The following GTF2H5 variants were observed in gnomAD, a reference collection of about 807,000 sequenced individuals.
The protein encoded by GTF2H5 is general transcription factor IIH subunit 5, also known as TFB5 ortholog.
A neutral mutation model predicts 7.1 loss-of-function variants in GTF2H5; 5 were observed. The observed-to-expected ratio is 0.71, with a 90% CI of 0.37 to 1.49. GTF2H5 has a LOEUF of 1.49. Among genes scored for constraint, GTF2H5 ranks in the 40% most tolerant of loss-of-function variants. The pLI, the probability that GTF2H5 is intolerant of heterozygous loss-of-function variation, is 0.03. For missense variants in GTF2H5, 80 were observed against 83.0 expected, an observed-to-expected ratio of 0.96 and a Z score of 0.14; for synonymous variants, 30 against 31.7, an observed-to-expected ratio of 0.95 and a Z score of 0.18.
chr6:158,170,484 T>C lies in GTF2H5; in HGVS notation c.-20T>C, dbSNP rs774900438. 3 of 1,600,324 alleles carry C rather than the reference T, an allele frequency of 1.9e-6. No individual in the cohort carries two copies. The highest frequency in any genetic ancestry group is 1.7e-6 in the Non-Finnish European group (2 of 1,167,414). On this transcript the variant is annotated 5_prime_UTR_variant, in exon 2 of 3. Transcript: ENST00000607778. ...CTTTTTATTAGCATTCTTCAGGTCA[T>C]CTGAACCTTCTGAGAAAACATGGTC...
At chr6:158,176,143 A>G (rs1044508630) in intron 2 of GTF2H5, among the ~76,000 whole-genome samples, 6 of 152,220 alleles carry the variant, frequency 3.9e-5, no homozygotes, top group African/African-American at 1.4e-4. Context: ...GGGATTTTAA[A>G]TCCCGGTATT....
At chr6:158,189,280 C>G (rs1242205964) in intron 2 of GTF2H5, among the ~76,000 whole-genome samples, 1 of 152,040 alleles carries the variant, frequency 6.6e-6, no homozygotes, top group African/African-American at 2.4e-5. Context: ...AATCCCAGAT[C>G]ATCAGAGTGG....
chr6:158,170,339 TTAAC>T (rs1449701703), intron 1 of GTF2H5, 127 bp from the exon 2 acceptor site: 1 of 627,076 alleles, frequency 1.6e-6, no homozygotes, highest in Non-Finnish European at 2.8e-6. Flanking sequence ...TTTCTTAATG[TTAAC>T]TGTCTTTCAT....
chr6:158,184,176 T>C (rs1374030464), intron 2 of GTF2H5, among the ~76,000 whole-genome samples: 2 of 152,024 alleles, frequency 1.3e-5, no homozygotes, highest in African/African-American at 4.8e-5. Flanking sequence ...ATTAAAGCCT[T>C]GGGGTTAGCG....
intron 2 of GTF2H5, among the ~76,000 whole-genome samples, chr6:158,173,959 A>G (rs1006282719): frequency 3.9e-5 from 6 of 152,208 alleles, no homozygotes; most frequent in Non-Finnish European, 7.4e-5. Flanking sequence ...GGTAACTTCT[A>G]GATATTGCCA....
Position 158,176,990 on chromosome 6 carries a change from TC to T in GTF2H5, c.35+6454del, listed in dbSNP as rs561347462. Among the ~76,000 whole-genome samples, 44 of 152,352 alleles carry T rather than the reference TC, an allele frequency of 2.9e-4. No homozygotes were observed. The South Asian group carries it at 8.3e-3, about 29-fold the overall frequency. On this transcript the variant is annotated intron_variant, in intron 2 of 2. Transcript: ENST00000607778. ...TTTCCGCCCTGGGTGGGCCAGGTGT[TC>T]CTTGCCCTCATTCCAGTAAACCCAC...
At chr6:158,188,748 A>G (rs1776973270) in intron 2 of GTF2H5, among the ~76,000 whole-genome samples, 1 of 152,086 alleles carries the variant, frequency 6.6e-6, no homozygotes, top group South Asian at 2.1e-4. Flanking sequence ...AAAATACCCC[A>G]TTCATCCTCC....
chr6:158,170,587 T>G lies in GTF2H5; in HGVS notation c.35+49T>G, dbSNP rs6931532. ...AGTTTTAAGTTTAAATATTGAATCT[T>G]GACTTGTATGTATGTCTTTTCTAAA... On this transcript the variant is annotated intron_variant, in intron 2 of 2. Transcript: ENST00000607778. 0.014 allele frequency: 16,892 copies of G among 1,238,632 alleles called. 1,625 individuals are homozygous for G. The African/African-American group carries it at 0.21, about 16-fold the overall frequency. The allele number at this position is 1,238,632 out of a possible 1,614,324, so 76.7% of individuals were successfully genotyped here.
At chr6:158,185,187 AT>A (rs1776896751) in intron 2 of GTF2H5, among the ~76,000 whole-genome samples, 1 of 150,194 alleles carries the variant, frequency 6.7e-6, no homozygotes, top group Non-Finnish European at 1.5e-5. Flanking sequence ...TTTTTAAATC[AT>A]TACATGTTAT....
rs1000079229 is a variant in GTF2H5, at chr6:158,171,212, A to C, written c.35+674A>C. 2.0e-5 allele frequency among the ~76,000 whole-genome samples: 3 copies of C among 152,194 alleles called. No individual in the cohort carries two copies. In the East Asian group the frequency reaches 5.8e-4, roughly 29 times the overall value. ...ATGCAAGCCACAGATATAGTCTTAC[A>C]TTTTTTCTAGCCATCTTAAAAGTAA... is the stretch of plus-strand genomic sequence containing the variant. On this transcript the variant is annotated intron_variant, in intron 2 of 2. Transcript: ENST00000607778.
intron 1 of GTF2H5, among the ~76,000 whole-genome samples, chr6:158,169,745 T>TATATTTTATATTA (rs374070331): frequency 1.9e-5 from 1 of 54,052 alleles, no homozygotes; most frequent in Non-Finnish European, 2.9e-5. Flanking sequence ...ATATTATATA[T>TATATTTTATATTA]TATATAATAT....
Position 158,195,997 on chromosome 6 carries a change from C to G in GTF2H5, c.*3840C>G, listed in dbSNP as rs1243975810. The G allele has an allele frequency of 6.6e-6, 1 of 152,120 alleles. No individual in the cohort carries two copies. The highest frequency in any genetic ancestry group is 1.5e-5 in the Non-Finnish European group (1 of 68,014). The allele number at this position is 152,120 out of a possible 1,614,324, so 9.4% of individuals were successfully genotyped here. ...ATAGGCAAGTGATTAAGAGCACTGA[C>G]TGGGCCGGGCGCGGTGGCTCACGTC... On this transcript the variant is annotated 3_prime_UTR_variant, in exon 3 of 3. Coordinates refer to ENST00000607778, the MANE Select transcript of GTF2H5 (RefSeq NM_207118.3).
chr6:158,189,537 C>G (rs537306576), intron 2 of GTF2H5, among the ~76,000 whole-genome samples: 4 of 152,114 alleles, frequency 2.6e-5, no homozygotes, highest in African/African-American at 7.2e-5. Context: ...CCTTCCTTAC[C>G]CTCGTGCCAG....
chr6:158,189,757 G>C (rs1776989674), intron 2 of GTF2H5, among the ~76,000 whole-genome samples: 1 of 152,142 alleles, frequency 6.6e-6, no homozygotes, highest in Non-Finnish European at 1.5e-5. Context: ...GAGAAGACTT[G>C]GTTCTCTTCA....
rs538919159 is a variant in GTF2H5, at chr6:158,176,618, C to T, written c.35+6080C>T. 5.9e-5 allele frequency among the ~76,000 whole-genome samples: 9 copies of T among 152,206 alleles called. No individual in the cohort carries two copies. The East Asian group carries it at 9.6e-4, about 16-fold the overall frequency. On this transcript the variant is annotated intron_variant, in intron 2 of 2. Transcript: ENST00000607778. ...TTTTGTAATTGAAATAGTAAATTGC[C>T]GAGACCAGCTCGGTCTGGGAGACCC...
intron 2 of GTF2H5, among the ~76,000 whole-genome samples, chr6:158,184,977 G>A (rs1776888027): frequency 6.6e-6 from 1 of 151,884 alleles, no homozygotes; most frequent in South Asian, 2.1e-4. Context: ...TTTCTTTTCT[G>A]TACAATAGCC....
chr6:158,183,391 T>C (rs994714019), intron 2 of GTF2H5, among the ~76,000 whole-genome samples: 1 of 152,240 alleles, frequency 6.6e-6, no homozygotes, highest in Non-Finnish European at 1.5e-5. Flanking sequence ...AATGCCATGC[T>C]GGGAGAACCA....
chr6:158,169,227 C>G (rs894442382), intron 1 of GTF2H5, among the ~76,000 whole-genome samples: 11 of 140,314 alleles, frequency 7.8e-5, no homozygotes, highest in Non-Finnish European at 7.6e-5. Context: ...GAGTGAGACT[C>G]TGTCTCGAAG....
intron 1 of GTF2H5, among the ~76,000 whole-genome samples, chr6:158,169,453 T>A (rs1184347100): frequency 1.0e-4 from 6 of 57,568 alleles, no homozygotes; most frequent in African/African-American, 4.8e-4. Flanking sequence ...ATATTATATA[T>A]TATATATATT....
Sources: gnomAD v4.1 joint callset for allele counts (sites outside exome capture counted in the v4.1 genomes callset) on GRCh38, gnomAD v4.1.1 for gene constraint, MANE v1.5 for transcripts, NCBI Gene and HGNC (gene_info 2026-07-23, HGNC 2026-07-21) for gene names.